CDH18: variants seen among roughly 807,000 people sequenced by gnomAD.
CDH18 encodes the protein cadherin-18.
A neutral mutation model predicts 67.9 loss-of-function variants in CDH18; 31 were observed. The observed-to-expected ratio is 0.46, with a 90% CI of 0.34 to 0.62. The LOEUF (loss-of-function observed/expected upper bound fraction) is 0.62, where lower values mean the gene tolerates loss of function less well. CDH18 is among the 20% of genes least tolerant of loss of function. The probability of loss-of-function intolerance (pLI) is 0.01; values close to 1 mark genes in which losing one functional copy is unlikely to be tolerated. For missense variants in CDH18, 890 were observed against 975.5 expected (o/e 0.91, Z 1.17); for synonymous variants, 362 against 347.2 (o/e 1.04, Z -0.48).
chr5:20,125,822 T>A (rs181970563), intron 2 of CDH18, among the ~76,000 whole-genome samples: 1 of 152,026 alleles, frequency 6.6e-6, no homozygotes, highest in East Asian at 2.0e-4. Flanking sequence ...TTCCTCATGA[T>A]CCAAGGACTC....
intron 1 of CDH18, among the ~76,000 whole-genome samples, chr5:20,420,087 G>A (rs1225400569): frequency 6.6e-6 from 1 of 151,020 alleles, no homozygotes; most frequent in Non-Finnish European, 1.5e-5. Flanking sequence ...CAGATTATGT[G>A]AGCCTGGAGA....
intron 1 of CDH18, among the ~76,000 whole-genome samples, chr5:20,441,463 A>C (rs1336313890): frequency 6.6e-6 from 1 of 151,916 alleles, no homozygotes; most frequent in African/African-American, 2.4e-5. Flanking sequence ...AGAAGGCATT[A>C]GAACTACACA....
intron 2 of CDH18, among the ~76,000 whole-genome samples, chr5:19,853,976 C>T (rs1784000819): frequency 6.6e-6 from 1 of 152,004 alleles, no homozygotes; most frequent in East Asian, 1.9e-4. Context: ...GTCTACGTGG[C>T]ACAAATGTGA....
intron 2 of CDH18, among the ~76,000 whole-genome samples, chr5:20,087,610 G>A (rs930523957): frequency 1.3e-5 from 2 of 152,010 alleles, no homozygotes; most frequent in African/African-American, 4.8e-5. Context: ...CTCCCCATCA[G>A]GAAAAAAGAT....
chr5:20,326,341 C>T (rs1738574483), intron 1 of CDH18, among the ~76,000 whole-genome samples: 1 of 152,002 alleles, frequency 6.6e-6, no homozygotes, highest in Non-Finnish European at 1.5e-5. Flanking sequence ...TATCATTTAT[C>T]ATTTAAAAAT....
intron 10 of CDH18, among the ~76,000 whole-genome samples, chr5:19,520,451 C>A (rs546281777): frequency 6.6e-6 from 1 of 152,236 alleles, no homozygotes; most frequent in African/African-American, 2.4e-5. Context: ...ATTCATTTTT[C>A]TGAGTTACAT....
At chr5:20,003,226 C>T (rs73050989) in intron 2 of CDH18, among the ~76,000 whole-genome samples, 16,659 of 152,106 alleles carry the variant, frequency 0.11, 2,511 homozygotes, top group African/African-American at 0.34. Context: ...ACAACAAACC[C>T]CACAAAGTTA....
At chr5:19,573,201 T>A (rs1416883203) in intron 7 of CDH18, among the ~76,000 whole-genome samples, 1 of 152,200 alleles carries the variant, frequency 6.6e-6, no homozygotes, top group Non-Finnish European at 1.5e-5. Context: ...TTCAAGGAGT[T>A]GCTTCTGAAG....
intron 1 of CDH18, among the ~76,000 whole-genome samples, chr5:19,982,487 CATTT>C (rs1799156810): frequency 1.3e-5 from 2 of 151,946 alleles, no homozygotes; most frequent in Non-Finnish European, 1.5e-5. Context: ...AATTGCCATA[CATTT>C]ATCATTCTTT....
chr5:19,897,359 T>G (rs1317441407), intron 2 of CDH18, among the ~76,000 whole-genome samples: 1 of 152,150 alleles, frequency 6.6e-6, no homozygotes, highest in Non-Finnish European at 1.5e-5. Context: ...GAAATGTGAA[T>G]GAAGACCACA....
chr5:19,756,318 T>C (rs943948284), intron 3 of CDH18, among the ~76,000 whole-genome samples: 1 of 152,224 alleles, frequency 6.6e-6, no homozygotes, highest in East Asian at 1.9e-4. Context: ...GAAATACTCA[T>C]GACAATTACA....
intron 2 of CDH18, among the ~76,000 whole-genome samples, chr5:20,013,295 T>A (rs1053864407): frequency 1.3e-5 from 2 of 152,114 alleles, no homozygotes; most frequent in Non-Finnish European, 2.9e-5. Context: ...GAGTTTGAAC[T>A]GTGCCTAAGA....
At chr5:19,669,134 T>C (rs2150342723) in intron 5 of CDH18, among the ~76,000 whole-genome samples, 1 of 146,794 alleles carries the variant, frequency 6.8e-6, no homozygotes, top group East Asian at 2.0e-4. Flanking sequence ...TTATATAATA[T>C]ATCATACATT....
chr5:20,392,852 G>A (rs1230642067), intron 1 of CDH18, among the ~76,000 whole-genome samples: 1 of 151,542 alleles, frequency 6.6e-6, no homozygotes, highest in Non-Finnish European at 1.5e-5. Context: ...TTTTATTTCA[G>A]GTTACACTGA....
At chr5:19,744,574 CCT>C (rs1032183320) in intron 4 of CDH18, among the ~76,000 whole-genome samples, 1 of 150,600 alleles carries the variant, frequency 6.6e-6, no homozygotes, top group Non-Finnish European at 1.5e-5. Flanking sequence ...TAACATTTTT[CCT>C]CTCTGTTATT....
intron 12 of CDH18, among the ~76,000 whole-genome samples, chr5:19,476,858 T>C (rs1434298780): frequency 6.6e-6 from 1 of 151,960 alleles, no homozygotes; most frequent in Non-Finnish European, 1.5e-5. Context: ...GTGCAATTTT[T>C]CAATCTTTGC....
At chr5:20,057,921 AAATAAT>A (rs2150503659) in intron 2 of CDH18, among the ~76,000 whole-genome samples, 1 of 152,282 alleles carries the variant, frequency 6.6e-6, no homozygotes, top group African/African-American at 2.4e-5. Context: ...ATTACTTTTT[AAATAAT>A]GCATTACCTT....
chr5:20,558,634 TCTC>T (rs1159929218), intron 1 of CDH18, among the ~76,000 whole-genome samples: 14 of 152,174 alleles, frequency 9.2e-5, no homozygotes, highest in African/African-American at 3.4e-4. Flanking sequence ...ATCCCTTCAG[TCTC>T]CTCAAGTCTG....
In CDH18 at chr5:20,500,518, G is replaced by A. The variant is rs573831208; in HGVS notation, c.-580+74944C>T. Among the ~76,000 whole-genome samples the A allele has an allele frequency of 5.9e-5, 9 of 152,228 alleles. No homozygotes were observed. In the East Asian group the frequency reaches 1.4e-3, roughly 23 times the overall value. On this transcript the variant is annotated intron_variant, in intron 1 of 14. Coordinates refer to the CDH18 transcript ENST00000507958. ...GCCTCTAAATTATTGTGAACATCTGGGAACAGGTATAATGGCCTTCATCTG... is the reference window on the plus strand; with the variant it reads ...GCCTCTAAATTATTGTGAACATCTGAGAACAGGTATAATGGCCTTCATCTG...
Sources: allele counts gnomAD v4.1 joint callset (sites outside exome capture counted in the v4.1 genomes callset), GRCh38; gene constraint gnomAD v4.1.1; transcripts MANE v1.5; gene names NCBI Gene and HGNC (gene_info 2026-07-23, HGNC 2026-07-21).